Variants in ENAH observed in about 807,000 individuals in gnomAD.
ENAH encodes protein enabled homolog.
Under a neutral mutation model 78.7 loss-of-function variants are expected in ENAH, and 23 were observed. That is an observed-to-expected ratio of 0.29 (90% confidence interval 0.21 to 0.41). The LOEUF (loss-of-function observed/expected upper bound fraction) is 0.41, where lower values mean the gene tolerates loss of function less well. ENAH is among the 10% of genes least tolerant of loss of function. The pLI is 1.00. For missense variants in ENAH, 544 were observed against 691.0 expected (o/e 0.79, Z 2.39); for synonymous variants, 226 against 241.0 (o/e 0.94, Z 0.58).
chr1:225,548,564 C>G (rs776437529), intron 3 of ENAH, among the ~76,000 whole-genome samples: 3 of 152,176 alleles, frequency 2.0e-5, no homozygotes, highest in Admixed American at 6.5e-5. Flanking sequence ...GCCAGACAAA[C>G]GCAGTAAAAA....
chr1:225,590,366 A>G (rs1427909790), intron 1 of ENAH, among the ~76,000 whole-genome samples: 1 of 152,016 alleles, frequency 6.6e-6, no homozygotes, highest in African/African-American at 2.4e-5. Context: ...CAGGAGGCTG[A>G]GGCTCAAAAA....
intron 2 of ENAH, among the ~76,000 whole-genome samples, chr1:225,562,304 G>A (rs2096710337): frequency 2.0e-5 from 3 of 151,880 alleles, no homozygotes; most frequent in Non-Finnish European, 4.4e-5. Flanking sequence ...CGGGCGCAGT[G>A]GCTCACGCCT....
intron 4 of ENAH, among the ~76,000 whole-genome samples, chr1:225,523,792 GT>G (rs1387836552): frequency 6.6e-6 from 1 of 152,150 alleles, no homozygotes; most frequent in Non-Finnish European, 1.5e-5. Flanking sequence ...TCTAGGAGGA[GT>G]TTCCAAATTT....
At chr1:225,575,862 T>C (rs2096785240) in intron 1 of ENAH, among the ~76,000 whole-genome samples, 1 of 152,100 alleles carries the variant, frequency 6.6e-6, no homozygotes, top group South Asian at 2.1e-4. Context: ...AGATACTAAG[T>C]ATAAAAAGTA....
intron 1 of ENAH, among the ~76,000 whole-genome samples, chr1:225,627,543 T>C (rs1658174725): frequency 6.6e-6 from 1 of 152,226 alleles, no homozygotes; most frequent in African/African-American, 2.4e-5. Flanking sequence ...TGCTGAGTGC[T>C]GTTATGAGGC....
At chr1:225,617,871 G>A (rs980623445) in intron 1 of ENAH, among the ~76,000 whole-genome samples, 1 of 152,098 alleles carries the variant, frequency 6.6e-6, no homozygotes, top group African/African-American at 2.4e-5. Context: ...AGCTAATTTT[G>A]AACTGAAAGG....
chr1:225,536,105 T>C (rs763011913), intron 3 of ENAH, among the ~76,000 whole-genome samples: 21 of 152,142 alleles, frequency 1.4e-4, no homozygotes, highest in Non-Finnish European at 2.8e-4. Flanking sequence ...AAGAATATCT[T>C]TGGTTTGCTA....
At chr1:225,521,060 A>G (rs1368848359) in intron 4 of ENAH, among the ~76,000 whole-genome samples, 7 of 152,024 alleles carry the variant, frequency 4.6e-5, no homozygotes, top group South Asian at 2.1e-4. Context: ...ACGCGCGCGC[A>G]CACACACACA....
chr1:225,527,261 C>T (rs969679701), intron 4 of ENAH, among the ~76,000 whole-genome samples: 5 of 152,314 alleles, frequency 3.3e-5, no homozygotes, highest in Middle Eastern at 3.4e-3. Context: ...GACAATTTCA[C>T]TCAACTTATG....
intron 1 of ENAH, among the ~76,000 whole-genome samples, chr1:225,609,720 A>G (rs910421770): frequency 2.4e-5 from 3 of 122,688 alleles, no homozygotes; most frequent in African/African-American, 9.6e-5. Context: ...GCTGGAATGC[A>G]GTGGCACGAT....
chr1:225,517,401 G>C (rs1056021386), intron 5 of ENAH, 95 bp from the exon 6 acceptor site: 2 of 1,551,840 alleles, frequency 1.3e-6, no homozygotes, highest in Non-Finnish European at 1.7e-6. Context: ...CACAGTGTGA[G>C]AGTGATGCGA....
chr1:225,630,333 T>C (rs1431380050), intron 1 of ENAH, among the ~76,000 whole-genome samples: 1 of 151,792 alleles, frequency 6.6e-6, no homozygotes, highest in Non-Finnish European at 1.5e-5. Context: ...CACAGAAGAG[T>C]TGGACTGTTG....
At chr1:225,518,458 G>A (rs1179675601) in intron 5 of ENAH, among the ~76,000 whole-genome samples, 3 of 152,216 alleles carry the variant, frequency 2.0e-5, no homozygotes, top group Non-Finnish European at 4.4e-5. Context: ...TTGTGGAAAA[G>A]TTTTGTTTTG....
intron 1 of ENAH, among the ~76,000 whole-genome samples, chr1:225,586,241 C>CA (rs34817622): frequency 0.74 from 74,222 of 100,456 alleles, 26,290 homozygotes; most frequent in East Asian, 0.81. Flanking sequence ...GAGACAAGCT[C>CA]AAAAAAAAAA....
chr1:225,530,809 C>T (rs374507727), intron 3 of ENAH, among the ~76,000 whole-genome samples, 171 bp from the exon 4 acceptor site: 9 of 152,200 alleles, frequency 5.9e-5, no homozygotes, highest in Non-Finnish European at 8.8e-5. Context: ...TGAAAGACTG[C>T]AACATAATAC....
intron 1 of ENAH, among the ~76,000 whole-genome samples, chr1:225,592,989 T>C (rs944184604): frequency 6.6e-6 from 1 of 152,162 alleles, no homozygotes; most frequent in African/African-American, 2.4e-5. Flanking sequence ...ATACGGCCCC[T>C]AAACATGACA....
chr1:225,519,106 T>C, intron 5 of ENAH, 92 bp downstream of exon 5: 1 of 1,521,078 alleles, frequency 6.6e-7, no homozygotes, highest in Non-Finnish European at 8.8e-7. Flanking sequence ...ATCCCAAACA[T>C]CTCAAATGTG....
chr1:225,505,019 C>A, intron 11 of ENAH: 1 of 1,612,802 alleles, frequency 6.2e-7, no homozygotes, highest in South Asian at 1.1e-5. Flanking sequence ...GACCTGTTGT[C>A]AAAAACAATC....
intron 4 of ENAH, among the ~76,000 whole-genome samples, chr1:225,523,254 G>A (rs2096483229): frequency 6.6e-6 from 1 of 151,322 alleles, no homozygotes; most frequent in South Asian, 2.1e-4. Flanking sequence ...CCAAGTTAAT[G>A]GCTGTTTCTC....
Sources: gnomAD v4.1 joint callset for allele counts (sites outside exome capture counted in the v4.1 genomes callset) on GRCh38, gnomAD v4.1.1 for gene constraint, MANE v1.5 for transcripts, NCBI Gene and HGNC (gene_info 2026-07-23, HGNC 2026-07-21) for gene names.